The following SHISA6 variants were observed in gnomAD, a reference collection of about 807,000 sequenced individuals.
SHISA6 encodes protein shisa-6.
SHISA6 carries 22 observed loss-of-function variants against 47.9 expected under a neutral mutation model. That is an observed-to-expected ratio of 0.46 (90% CI 0.33 to 0.66). The LOEUF is 0.66. SHISA6 is among the 30% of genes least tolerant of loss of function. The pLI is 0.02. For synonymous variants in SHISA6, 388 were observed against 337.8 expected (o/e 1.15, Z -1.63); for missense variants, 680 against 764.6 (o/e 0.89, Z 1.30).
At position 11,563,851 on chromosome 17, in the gene SHISA6, CA is replaced by C. The variant is rs2072067978; in HGVS notation, c.*5548del. 6.6e-6 allele frequency: 1 copy of C among 152,150 alleles called. No homozygotes were observed. The highest frequency in any genetic ancestry group is 2.4e-5 in the African/African-American group (1 of 41,448). 9.4% of individuals were successfully genotyped at this position (152,150 alleles called of 1,614,324 possible). On this transcript the variant is annotated 3_prime_UTR_variant, in exon 6 of 6. Coordinates refer to ENST00000441885, the MANE Select transcript of SHISA6 (RefSeq NM_207386.4). ...AAGTACCTTTCTATCTGTATCTTTG[CA>C]GTTTCTTCGTTACTCATATGTAAGC...
chr17:11,427,236 C>T (rs71362109), intron 3 of SHISA6, among the ~76,000 whole-genome samples: 5,784 of 152,124 alleles, frequency 0.038, 135 homozygotes, highest in Non-Finnish European at 0.057. Flanking sequence ...CAGGTTCAAG[C>T]GATTCTCCTG....
At chr17:11,442,220 C>CA (rs1453289762) in intron 3 of SHISA6, among the ~76,000 whole-genome samples, 1 of 152,204 alleles carries the variant, frequency 6.6e-6, no homozygotes, top group Non-Finnish European at 1.5e-5. Context: ...AGTGGAGTCT[C>CA]AGACTTATGG....
At chr17:11,361,568 A>G (rs1481585300) in intron 2 of SHISA6, among the ~76,000 whole-genome samples, 2 of 152,190 alleles carry the variant, frequency 1.3e-5, no homozygotes, top group Non-Finnish European at 2.9e-5. Flanking sequence ...AGGGGTAGGC[A>G]TTGACTTGGA....
At chr17:11,250,189 T>A (rs1322752445) in intron 1 of SHISA6, among the ~76,000 whole-genome samples, 1 of 152,208 alleles carries the variant, frequency 6.6e-6, no homozygotes, top group Non-Finnish European at 1.5e-5. Context: ...CCTAGTTTGA[T>A]ACTGAGGGTA....
chr17:11,540,089 C>T (rs1362353704), intron 3 of SHISA6, among the ~76,000 whole-genome samples: 1 of 152,200 alleles, frequency 6.6e-6, no homozygotes, highest in African/African-American at 2.4e-5. Flanking sequence ...TCCAGACCTC[C>T]ACCCATTACA....
At chr17:11,388,472 T>C (rs116091760) in intron 3 of SHISA6, among the ~76,000 whole-genome samples, 5,552 of 152,026 alleles carry the variant, frequency 0.037, 188 homozygotes, top group Admixed American at 0.087. Context: ...CGGATCTGCA[T>C]ATGTGGGACG....
chr17:11,494,289 C>G (rs1228498451), intron 3 of SHISA6, among the ~76,000 whole-genome samples: 1 of 152,188 alleles, frequency 6.6e-6, no homozygotes, highest in Non-Finnish European at 1.5e-5. Flanking sequence ...TGCCCCAGCT[C>G]TCCTCTGCTG....
chr17:11,333,771 A>G (rs925970898), intron 2 of SHISA6, among the ~76,000 whole-genome samples: 2 of 152,132 alleles, frequency 1.3e-5, no homozygotes, highest in Non-Finnish European at 1.5e-5. Context: ...ATGGTGGCTC[A>G]TGCCTGTAGT....
intron 3 of SHISA6, among the ~76,000 whole-genome samples, chr17:11,547,497 C>A (rs1407342161): frequency 2.0e-5 from 3 of 152,178 alleles, no homozygotes; most frequent in Non-Finnish European, 4.4e-5. Flanking sequence ...GCTGCAATTA[C>A]AGATCATTTA....
intron 3 of SHISA6, among the ~76,000 whole-genome samples, chr17:11,484,000 A>G (rs1451937502): frequency 4.1e-5 from 6 of 144,646 alleles, no homozygotes; most frequent in Non-Finnish European, 6.1e-5. Flanking sequence ...AAAGCGGTCA[A>G]TATTGACTAT....
intron 3 of SHISA6, among the ~76,000 whole-genome samples, chr17:11,427,126 TTTGTTGTTGTTG>T (rs556894783): frequency 6.6e-6 from 1 of 151,908 alleles, no homozygotes; most frequent in Admixed American, 6.6e-5. Context: ...CTTTCGTATG[TTTGTTGTTGTTG>T]TTGTTGTTGT....
intron 3 of SHISA6, among the ~76,000 whole-genome samples, chr17:11,398,062 G>C (rs560955634): frequency 6.6e-6 from 1 of 151,980 alleles, no homozygotes; most frequent in South Asian, 2.1e-4. Context: ...CCTTAAGGCT[G>C]TTTAATTCAT....
chr17:11,544,245 T>C (rs1308490988), intron 3 of SHISA6, among the ~76,000 whole-genome samples: 1 of 152,094 alleles, frequency 6.6e-6, no homozygotes, highest in African/African-American at 2.4e-5. Flanking sequence ...ACATTTGCTC[T>C]GCAAAAGACT....
chr17:11,296,367 G>A (rs1035538393), intron 2 of SHISA6, among the ~76,000 whole-genome samples: 6 of 152,158 alleles, frequency 3.9e-5, no homozygotes, highest in Non-Finnish European at 7.3e-5. Context: ...GGAAAGGAGC[G>A]TGCAGAGAAT....
At chr17:11,544,241 G>T (rs932074054) in intron 3 of SHISA6, among the ~76,000 whole-genome samples, 2 of 152,130 alleles carry the variant, frequency 1.3e-5, no homozygotes, top group Middle Eastern at 3.4e-3. Flanking sequence ...TAAAACATTT[G>T]CTCTGCAAAA....
chr17:11,251,253 G>GA (rs1025952087), intron 1 of SHISA6, among the ~76,000 whole-genome samples: 3 of 7,134 alleles, frequency 4.2e-4, no homozygotes, highest in African/African-American at 4.5e-4. Context: ...ACCTACCTAT[G>GA]AGGGCTCTGT....
chr17:11,468,156 C>T (rs1037528639), intron 3 of SHISA6, among the ~76,000 whole-genome samples: 1 of 151,968 alleles, frequency 6.6e-6, no homozygotes, highest in African/African-American at 2.4e-5. Flanking sequence ...CTGCCCTTTC[C>T]TCCTGGTGCC....
At chr17:11,371,260 GCC>G (rs1232261851) in intron 2 of SHISA6, among the ~76,000 whole-genome samples, 1 of 152,148 alleles carries the variant, frequency 6.6e-6, no homozygotes, top group Non-Finnish European at 1.5e-5. Context: ...CTGGCTCCCA[GCC>G]CCCTTCTCAT....
intron 3 of SHISA6, among the ~76,000 whole-genome samples, chr17:11,543,910 CAAAAAAA>C (rs200573876): frequency 2.1e-5 from 2 of 96,390 alleles, no homozygotes; most frequent in African/African-American, 3.5e-5. Context: ...TATTTATAAG[CAAAAAAA>C]AAAAAAAAAC....
Sources: allele counts gnomAD v4.1 joint callset (sites outside exome capture counted in the v4.1 genomes callset), GRCh38; gene constraint gnomAD v4.1.1; transcripts MANE v1.5; gene names NCBI Gene and HGNC (gene_info 2026-07-23, HGNC 2026-07-21).